The following SEC61A1 variants were observed in gnomAD, a reference collection of about 807,000 sequenced individuals.
SEC61A1 encodes the protein SEC61 translocon subunit alpha 1.
Under a neutral mutation model 55.2 loss-of-function variants are expected in SEC61A1, and 15 were observed. That is an observed-to-expected ratio of 0.27 (90% CI 0.18 to 0.42). The LOEUF is 0.42. SEC61A1 is among the 10% of genes least tolerant of loss of function. The pLI, the probability that SEC61A1 is intolerant of heterozygous loss-of-function variation, is 1.00. For missense variants in SEC61A1, 284 were observed against 602.6 expected (o/e 0.47, Z 5.53); for synonymous variants, 247 against 234.0 (o/e 1.06, Z -0.51).
chr3:128,066,003 A>G (rs1178731994), intron 8 of SEC61A1, among the ~76,000 whole-genome samples: 5 of 152,080 alleles, frequency 3.3e-5, no homozygotes, highest in South Asian at 4.2e-4. Flanking sequence ...CCACATTACA[A>G]AGCGCTGGGA....
Position 128,055,821 on chromosome 3 carries a change from G to C in SEC61A1, c.220+70G>C, listed in dbSNP as rs1204462956. 2.4e-6 allele frequency: 3 copies of C among 1,262,896 alleles called. No individual in the cohort carries two copies. In the East Asian group the frequency reaches 7.0e-5, roughly 29 times the overall value. The allele number at this position is 1,262,896 out of a possible 1,614,324, so 78.2% of individuals were successfully genotyped here. ...CTAGCTTCACTTAGTTAAATTAATA[G>C]GCTTTGGCTTTATATGGAACTTAGA... On this transcript the variant is annotated intron_variant, in intron 4 of 11. Transcript: ENST00000243253.
intron 2 of SEC61A1, 38 bp downstream of exon 2, chr3:128,052,940 A>C: frequency 1.0e-5 from 16 of 1,528,840 alleles, no homozygotes; most frequent in Non-Finnish European, 1.4e-5. Flanking sequence ...AGGTTTCAGG[A>C]AACTGTCTGG....
chr3:128,069,450 G>A (rs558090876), intron 11 of SEC61A1, 26 bp from the exon 12 acceptor site: 66 of 1,601,906 alleles, frequency 4.1e-5, no homozygotes, highest in Non-Finnish European at 4.7e-5. Flanking sequence ...TGGGTGTCCA[G>A]GAGCTGACTG....
At chr3:128,052,739 T>G (rs1941708750) in intron 1 of SEC61A1, 96 bp from the exon 2 acceptor site, 1 of 1,494,350 alleles carries the variant, frequency 6.7e-7, no homozygotes, top group East Asian at 2.3e-5. Context: ...CCCTGGCCCC[T>G]GCTCTCACTC....
intron 11 of SEC61A1, among the ~76,000 whole-genome samples, chr3:128,069,220 T>C (rs931694773): frequency 6.6e-6 from 1 of 152,262 alleles, no homozygotes; most frequent in Non-Finnish European, 1.5e-5. Flanking sequence ...CATCCTTGTC[T>C]TCAAATCTCC....
intron 5 of SEC61A1, among the ~76,000 whole-genome samples, chr3:128,059,791 TC>T (rs1941827718): frequency 6.6e-6 from 1 of 152,184 alleles, no homozygotes; most frequent in Admixed American, 6.5e-5. Flanking sequence ...TAGGTTCTAC[TC>T]CCTGATTTTC....
Position 128,069,696 on chromosome 3 carries a change from C to T in SEC61A1, c.*34C>T, listed in dbSNP as rs1222925694. On this transcript the variant is annotated 3_prime_UTR_variant, in exon 12 of 12. Transcript: ENST00000243253. ...CCCGGACAGGTTGAGGAAGCTGCTCCAGAAGCGCCTCGGAAGGGGAGCTCT... is the reference window on the plus strand; with the variant it reads ...CCCGGACAGGTTGAGGAAGCTGCTCTAGAAGCGCCTCGGAAGGGGAGCTCT... The T allele has an allele frequency of 2.5e-6, 4 of 1,598,370 alleles. No homozygotes were observed. Among genetic ancestry groups the T allele is most frequent in the Non-Finnish European group, 3.4e-6 (4 of 1,167,440 alleles).
At chr3:128,057,796 G>A (rs1200565740) in intron 5 of SEC61A1, among the ~76,000 whole-genome samples, 1 of 151,682 alleles carries the variant, frequency 6.6e-6, no homozygotes, top group African/African-American at 2.4e-5. Context: ...GGAGGCAGAG[G>A]TTGCAGTGAG....
intron 1 of SEC61A1, 99 bp from the exon 2 acceptor site, chr3:128,052,736 C>T: frequency 6.7e-7 from 1 of 1,495,542 alleles, no homozygotes. Context: ...CTCCCCTGGC[C>T]CCTGCTCTCA....
At chr3:128,053,975 A>G (rs1310597228) in intron 2 of SEC61A1, among the ~76,000 whole-genome samples, 1 of 152,240 alleles carries the variant, frequency 6.6e-6, no homozygotes, top group African/African-American at 2.4e-5. Flanking sequence ...AGGAGTATAT[A>G]GTTTGCAAAG....
At chr3:128,059,982 G>C in intron 5 of SEC61A1, 120 bp from the exon 6 acceptor site, 1 of 701,392 alleles carries the variant, frequency 1.4e-6, no homozygotes, top group Admixed American at 2.4e-5. Context: ...CTTGGAGGTA[G>C]TATCACTGCT....
intron 5 of SEC61A1, among the ~76,000 whole-genome samples, chr3:128,057,407 G>A (rs1941788275): frequency 6.6e-6 from 1 of 152,204 alleles, no homozygotes; most frequent in Non-Finnish European, 1.5e-5. Flanking sequence ...ATGTAATGGA[G>A]GAGAAGGATC....
At chr3:128,059,971 C>T (rs943848202) in intron 5 of SEC61A1, 131 bp from the exon 6 acceptor site, 17 of 659,858 alleles carry the variant, frequency 2.6e-5, no homozygotes, top group African/African-American at 2.5e-4. Context: ...CAGCCGAGCC[C>T]CTTGGAGGTA....
At chr3:128,058,199 C>CTTTT (rs1343043184) in intron 5 of SEC61A1, among the ~76,000 whole-genome samples, 2 of 107,722 alleles carry the variant, frequency 1.9e-5, no homozygotes, top group African/African-American at 3.7e-5. Flanking sequence ...AGAAATACGT[C>CTTTT]TATTTTTTTT....
chr3:128,051,958 C>G (rs1020052906), upstream of SEC61A1: 3 of 1,429,520 alleles, frequency 2.1e-6, no homozygotes, highest in Admixed American at 3.9e-5. Context: ...TGACGGAGAC[C>G]TACTAGGTGA....
intron 7 of SEC61A1, among the ~76,000 whole-genome samples, chr3:128,061,059 T>C (rs540103176): frequency 6.6e-6 from 1 of 152,336 alleles, no homozygotes; most frequent in Admixed American, 6.5e-5. Flanking sequence ...TCTCAGTGAA[T>C]AAGTTTCTAA....
In SEC61A1 at chr3:128,052,726, C is replaced by T. The variant is rs574867142; in HGVS notation, c.8-109C>T. 3 of 1,471,328 alleles carry T rather than the reference C, an allele frequency of 2.0e-6. No homozygotes were observed. In the East Asian group the frequency reaches 7.3e-5, roughly 36 times the overall value. 91.1% of individuals were successfully genotyped at this position (1,471,328 alleles called of 1,614,324 possible). On this transcript the variant is annotated intron_variant, in intron 1 of 11. Transcript: ENST00000243253. ...CCCCACGCGTCCGGGGTGCGGCCGG[C>T]TCCCCTGGCCCCTGCTCTCACTCGT...
In SEC61A1 at chr3:128,067,853, A is replaced by T; in HGVS notation, c.1168-130A>T. On this transcript the variant is annotated intron_variant, in intron 10 of 11. Coordinates refer to ENST00000243253, the MANE Select transcript of SEC61A1 (RefSeq NM_013336.4). This position sits in a 1 kb window ranked among gnomAD's most constrained non-coding sequence, Gnocchi z 4.1. The stretch of plus-strand genomic sequence containing the variant: ...CTTTTTCATATGACTTCCTTGCGGC[A>T]GTTTTAAAGTTCTCTGTATGAATAT... The T allele has an allele frequency of 1.3e-6, 1 of 783,004 alleles. No homozygotes were observed. Among genetic ancestry groups the T allele is most frequent in the Non-Finnish European group, 2.2e-6 (1 of 460,430 alleles). 48.5% of individuals were successfully genotyped at this position (783,004 alleles called of 1,614,324 possible). A position where few individuals can be genotyped will look rare whatever the true frequency, so the allele number is the denominator to read the frequency against.
At position 128,064,900 on chromosome 3, in the gene SEC61A1, A is replaced by G. The variant is rs1319321989; in HGVS notation, c.640A>G (p.Ile214Val). ...GRGMEFEGAI[I>V]ALFHLLATRT... ...AGGAATGGAATTTGAAGGTGCTATC[A>G]TCGCACTTTTCCATCTGCTGGCCAC... is the stretch of plus-strand genomic sequence containing the variant. Residue 214 changes from isoleucine (I) to valine (V), a missense_variant, in exon 8 of 12, where the codon ATC becomes GTC. Ile to Val is a conservative substitution (Grantham distance 29). Coordinates refer to ENST00000243253, the MANE Select transcript of SEC61A1 (RefSeq NM_013336.4). The G allele has an allele frequency of 5.0e-6, 8 of 1,611,072 alleles. No homozygotes were observed. The African/African-American group carries it at 6.7e-5, about 13-fold the overall frequency.
Sources: allele counts gnomAD v4.1 joint callset (sites outside exome capture counted in the v4.1 genomes callset), GRCh38; gene constraint gnomAD v4.1.1; non-coding constraint Gnocchi (gnomAD v3.1); transcripts MANE v1.5; gene names NCBI Gene and HGNC (gene_info 2026-07-23, HGNC 2026-07-21).